Variants in LANCL3 observed in about 807,000 individuals in gnomAD.
The protein encoded by LANCL3 is LanC like family member 3.
Under a neutral mutation model 26.5 loss-of-function variants are expected in LANCL3, and 19 were observed. That is an observed-to-expected ratio of 0.72 (90% confidence interval 0.50 to 1.05). The LOEUF is 1.05. LANCL3 is among the 50% of genes least tolerant of loss of function. The probability of loss-of-function intolerance (pLI) is 0.00; values close to 1 mark genes in which losing one functional copy is unlikely to be tolerated. For missense variants in LANCL3, 318 were observed against 362.7 expected (o/e 0.88, Z 1.00); for synonymous variants, 160 against 166.6 (o/e 0.96, Z 0.30).
intron 1 of LANCL3, among the ~76,000 whole-genome samples, chrX:37,594,719 C>T (rs1404740404): frequency 5.4e-5 from 6 of 112,013 alleles, no homozygotes; most frequent in African/African-American, 1.9e-4. Context: ...AGAGAACTTT[C>T]ATGGGAATGG....
intron 1 of LANCL3, among the ~76,000 whole-genome samples, chrX:37,617,909 G>A (rs1925052802): frequency 9.0e-6 from 1 of 111,655 alleles, no homozygotes; most frequent in African/African-American, 3.3e-5. Context: ...AAAATCTGTG[G>A]AACCTTTTGT....
intron 3 of LANCL3, among the ~76,000 whole-genome samples, chrX:37,661,433 T>A (rs1926420260): frequency 8.9e-6 from 1 of 111,993 alleles, no homozygotes; most frequent in African/African-American, 3.2e-5. Context: ...ACATAAGTTT[T>A]AAAGAAAAAT....
chrX:37,647,415 C>CAGT (rs1227353454), intron 1 of LANCL3, among the ~76,000 whole-genome samples: 2 of 111,879 alleles, frequency 1.8e-5, no homozygotes, highest in Non-Finnish European at 3.8e-5. Flanking sequence ...TGTCTCATTC[C>CAGT]AGTAGCTCTA....
chrX:37,642,420 C>T (rs926430586), intron 1 of LANCL3, among the ~76,000 whole-genome samples: 1 of 111,534 alleles, frequency 9.0e-6, no homozygotes, highest in Non-Finnish European at 1.9e-5. Flanking sequence ...GGTACAGATG[C>T]TCAATAATGT....
rs782273543 is a variant in LANCL3, at chrX:37,648,837, C to CA, written c.574-6845dup. Among the ~76,000 whole-genome samples the CA allele has an allele frequency of 2.2e-4, 24 of 111,468 alleles. No individual in the cohort carries two copies. The East Asian group carries it at 4.5e-3, about 21-fold the overall frequency. On this transcript the variant is annotated intron_variant, in intron 1 of 4. Coordinates refer to ENST00000378619, the MANE Select transcript of LANCL3 (RefSeq NM_001170331.2). ...TCTCAAAAGAAGACATTTACATGGC[C>CA]AAAAAACATGAAAAAAATTTCAACA...
chrX:37,600,273 C>A (rs1924543918), intron 1 of LANCL3, among the ~76,000 whole-genome samples: 1 of 111,870 alleles, frequency 8.9e-6, no homozygotes, highest in African/African-American at 3.3e-5. Flanking sequence ...CATACTATGA[C>A]AAATTTATAA....
rs375588392 is a variant in LANCL3, at chrX:37,618,733, A to G, written c.574-36955A>G. ...TGTTCAGATGTCCCCATTTTATAAG[A>G]CACAGTCATATTGGATTAAAACCCA... On this transcript the variant is annotated intron_variant, in intron 1 of 4. Transcript: ENST00000378619. Among the ~76,000 whole-genome samples, 8 of 111,762 alleles carry G rather than the reference A, an allele frequency of 7.2e-5. No homozygotes were observed. The East Asian group carries it at 2.2e-3, about 31-fold the overall frequency.
At chrX:37,624,633 T>C (rs1409749871) in intron 1 of LANCL3, among the ~76,000 whole-genome samples, 1 of 112,013 alleles carries the variant, frequency 8.9e-6, no homozygotes, top group Non-Finnish European at 1.9e-5. Context: ...GCCAAGATTC[T>C]TTCATTAGCC....
chrX:37,610,289 A>G (rs1924830773), intron 1 of LANCL3, among the ~76,000 whole-genome samples: 1 of 111,714 alleles, frequency 9.0e-6, no homozygotes, highest in African/African-American at 3.3e-5. Context: ...GCATCCTAAG[A>G]GAATATAGCA....
At chrX:37,588,218 T>C (rs782698375) in intron 1 of LANCL3, among the ~76,000 whole-genome samples, 7 of 112,001 alleles carry the variant, frequency 6.2e-5, no homozygotes, top group Admixed American at 2.8e-4. Flanking sequence ...GTCATGTGAT[T>C]GGCTGCAACA....
At chrX:37,608,888 C>G (rs1453447016) in intron 1 of LANCL3, among the ~76,000 whole-genome samples, 1 of 111,755 alleles carries the variant, frequency 8.9e-6, no homozygotes, top group African/African-American at 3.2e-5. Flanking sequence ...TGATTCCCTC[C>G]GATTTTGTTT....
chrX:37,637,763 A>G (rs981640713), intron 1 of LANCL3, among the ~76,000 whole-genome samples: 3 of 111,295 alleles, frequency 2.7e-5, no homozygotes, highest in Non-Finnish European at 5.7e-5. Flanking sequence ...TCCTGATACA[A>G]ATAGAGTAGA....
chrX:37,620,974 A>G (rs1194844586), intron 1 of LANCL3, among the ~76,000 whole-genome samples: 1 of 111,306 alleles, frequency 9.0e-6, no homozygotes, highest in Non-Finnish European at 1.9e-5. Context: ...GAGTGGCCTG[A>G]AGAGCTGGAG....
chrX:37,586,989 T>C lies in LANCL3; in HGVS notation c.573+14546T>C, dbSNP rs184071469. ...ATGGGGTTTTGGTGTGGATGTACTT[T>C]CAGTTTGTTAGTTTTCCTTCTAACA... On this transcript the variant is annotated intron_variant, in intron 1 of 4. Coordinates refer to ENST00000378619, the MANE Select transcript of LANCL3 (RefSeq NM_001170331.2). 6.2e-5 allele frequency among the ~76,000 whole-genome samples: 7 copies of C among 112,619 alleles called. No homozygotes were observed. The South Asian group carries it at 2.2e-3, about 36-fold the overall frequency.
intron 1 of LANCL3, among the ~76,000 whole-genome samples, chrX:37,632,674 G>T (rs1273768267): frequency 9.0e-6 from 1 of 110,528 alleles, no homozygotes; most frequent in Non-Finnish European, 1.9e-5. Flanking sequence ...CTCAGCATTT[G>T]CTTGTCTGTA....
At chrX:37,653,091 A>C (rs937760430) in intron 1 of LANCL3, among the ~76,000 whole-genome samples, 3 of 111,217 alleles carry the variant, frequency 2.7e-5, no homozygotes, top group Non-Finnish European at 3.8e-5. Flanking sequence ...TTTGTTTTTC[A>C]CAGTGTTTCT....
intron 1 of LANCL3, among the ~76,000 whole-genome samples, chrX:37,573,464 C>T (rs1556416013): frequency 1.8e-5 from 2 of 111,675 alleles, no homozygotes; most frequent in Non-Finnish European, 3.8e-5. Context: ...ATCACCTCTA[C>T]AGAGGCAGAC....
chrX:37,658,898 A>G (rs781973018), intron 2 of LANCL3, among the ~76,000 whole-genome samples: 1 of 112,688 alleles, frequency 8.9e-6, no homozygotes, highest in Non-Finnish European at 1.9e-5. Flanking sequence ...TGTTTTGTGC[A>G]GTGATCTATC....
chrX:37,633,850 G>A (rs1925616732), intron 1 of LANCL3, among the ~76,000 whole-genome samples: 1 of 112,055 alleles, frequency 8.9e-6, no homozygotes, highest in Admixed American at 9.4e-5. Flanking sequence ...CTGGGGGGGT[G>A]CCTCCCAGTT....
Sources: allele counts gnomAD v4.1 joint callset (sites outside exome capture counted in the v4.1 genomes callset), GRCh38; gene constraint gnomAD v4.1.1; transcripts MANE v1.5; gene names NCBI Gene and HGNC (gene_info 2026-07-23, HGNC 2026-07-21).